UMAD1: variants seen among roughly 807,000 people sequenced by gnomAD.
UMAD1 encodes UBAP1-MVB12-associated (UMA) domain containing 1.
UMAD1 carries 8 observed loss-of-function variants against 6.1 expected under a neutral mutation model. That is an observed-to-expected ratio of 1.30 (90% confidence interval 0.76 to 2.35). UMAD1 has a LOEUF of 2.35. Among genes scored for constraint, UMAD1 ranks in the 30% most tolerant of loss-of-function variants. The probability of loss-of-function intolerance (pLI) is 0.00; values close to 1 mark genes in which losing one functional copy is unlikely to be tolerated. For synonymous variants in UMAD1, 56 were observed against 31.4 expected, an observed-to-expected ratio of 1.78 and a Z score of -2.61; for missense variants, 130 against 78.4, an observed-to-expected ratio of 1.66 and a Z score of -2.49.
chr7:7,835,053 C>G (rs2115308300), intron 3 of UMAD1, among the ~76,000 whole-genome samples: 1 of 152,308 alleles, frequency 6.6e-6, no homozygotes, highest in South Asian at 2.1e-4. Flanking sequence ...CTAATCACTT[C>G]TCTCAATAGA....
intron 3 of UMAD1, among the ~76,000 whole-genome samples, chr7:7,842,782 T>C (rs550120879): frequency 6.6e-6 from 1 of 152,264 alleles, no homozygotes; most frequent in East Asian, 1.9e-4. Flanking sequence ...AGAAAATTCT[T>C]TTTCACCCCA....
chr7:7,687,945 G>C (rs1486207114), intron 2 of UMAD1, among the ~76,000 whole-genome samples: 2 of 152,176 alleles, frequency 1.3e-5, no homozygotes, highest in African/African-American at 4.8e-5. Context: ...ATGCTTGGCA[G>C]CACCAAAGGA....
At chr7:7,776,409 T>C (rs1237335042) in intron 2 of UMAD1, among the ~76,000 whole-genome samples, 1 of 152,238 alleles carries the variant, frequency 6.6e-6, no homozygotes, top group Non-Finnish European at 1.5e-5. Flanking sequence ...ATTTATATAG[T>C]ATTCTCAAGT....
intron 3 of UMAD1, among the ~76,000 whole-genome samples, chr7:7,815,938 A>G (rs1312019776): frequency 6.6e-6 from 1 of 152,182 alleles, no homozygotes; most frequent in African/African-American, 2.4e-5. Flanking sequence ...GGGGAGGACA[A>G]ATAGAGAGAA....
chr7:7,797,950 G>T (rs1035733604), intron 2 of UMAD1, among the ~76,000 whole-genome samples: 1 of 152,188 alleles, frequency 6.6e-6, no homozygotes, highest in African/African-American at 2.4e-5. Flanking sequence ...GCCTCCCAAA[G>T]TGCTGGGATT....
intron 2 of UMAD1, among the ~76,000 whole-genome samples, chr7:7,739,818 G>T (rs971375424): frequency 1.3e-5 from 2 of 152,174 alleles, no homozygotes; most frequent in African/African-American, 4.8e-5. Flanking sequence ...AAATGGCTCA[G>T]CTGGCTATTT....
At chr7:7,797,690 C>CTTTTTTTTTTTTTTTTTTTT (rs1782715015) in intron 2 of UMAD1, among the ~76,000 whole-genome samples, 1 of 145,640 alleles carries the variant, frequency 6.9e-6, no homozygotes, top group Non-Finnish European at 1.5e-5. Flanking sequence ...CATCATCCAA[C>CTTTTTTTTTTTTTTTTTTTT]ATTTTTTTTT....
chr7:7,696,069 G>C (rs1780309743), intron 2 of UMAD1, among the ~76,000 whole-genome samples: 1 of 145,326 alleles, frequency 6.9e-6, no homozygotes, highest in Non-Finnish European at 1.5e-5. Flanking sequence ...ACAGTGGTGT[G>C]ATCACAGCTC....
chr7:7,721,494 G>A (rs892262927), intron 2 of UMAD1, among the ~76,000 whole-genome samples: 4 of 152,192 alleles, frequency 2.6e-5, no homozygotes, highest in Admixed American at 1.3e-4. Context: ...TTCCTTAAAA[G>A]GAAGCTCATG....
At chr7:7,652,173 C>T (rs1785236520) in intron 1 of UMAD1, among the ~76,000 whole-genome samples, 1 of 152,200 alleles carries the variant, frequency 6.6e-6, no homozygotes, top group African/African-American at 2.4e-5. Context: ...TTTTCCACAT[C>T]TTCTTTGTGG....
chr7:7,644,570 A>G (rs1785054173), intron 1 of UMAD1, among the ~76,000 whole-genome samples: 1 of 152,204 alleles, frequency 6.6e-6, no homozygotes, highest in Non-Finnish European at 1.5e-5. Flanking sequence ...ATGTTGTCAG[A>G]TAAGTCTCCA....
intron 2 of UMAD1, among the ~76,000 whole-genome samples, chr7:7,726,674 G>T (rs986766042): frequency 6.6e-6 from 1 of 152,176 alleles, no homozygotes; most frequent in African/African-American, 2.4e-5. Context: ...ATTACGTTCT[G>T]CTGGCCTAGA....
At chr7:7,714,152 T>C (rs1258684173) in intron 2 of UMAD1, among the ~76,000 whole-genome samples, 1 of 152,248 alleles carries the variant, frequency 6.6e-6, no homozygotes, top group African/African-American at 2.4e-5. Flanking sequence ...TGATAGAAAT[T>C]CCTGAAATGT....
At chr7:7,793,314 A>G (rs1389359155) in intron 2 of UMAD1, among the ~76,000 whole-genome samples, 1 of 152,200 alleles carries the variant, frequency 6.6e-6, no homozygotes, top group Non-Finnish European at 1.5e-5. Flanking sequence ...GTTCTGTCAG[A>G]TTTCAAATCC....
intron 2 of UMAD1, among the ~76,000 whole-genome samples, chr7:7,793,647 T>C (rs936985438): frequency 1.2e-4 from 18 of 152,216 alleles, no homozygotes; most frequent in African/African-American, 4.3e-4. Context: ...TGCAGTCACA[T>C]ACTGCTAGTC....
chr7:7,693,386 T>C (rs1283114147), intron 2 of UMAD1, among the ~76,000 whole-genome samples: 4 of 152,032 alleles, frequency 2.6e-5, no homozygotes, highest in Non-Finnish European at 5.9e-5. Context: ...GAAAATCTCA[T>C]CTGAAACTTT....
intron 2 of UMAD1, among the ~76,000 whole-genome samples, chr7:7,777,747 C>T (rs912908012): frequency 3.3e-5 from 5 of 151,940 alleles, no homozygotes; most frequent in East Asian, 3.9e-4. Context: ...TCCAGATACT[C>T]GTGATAGTCT....
intron 2 of UMAD1, among the ~76,000 whole-genome samples, chr7:7,752,059 G>C (rs1184071444): frequency 1.3e-5 from 2 of 151,968 alleles, no homozygotes; most frequent in Admixed American, 6.6e-5. Flanking sequence ...TCCTAATTTA[G>C]GTACATAGGG....
chr7:7,715,504 A>G (rs991491330), intron 2 of UMAD1, among the ~76,000 whole-genome samples: 3 of 152,218 alleles, frequency 2.0e-5, no homozygotes, highest in East Asian at 1.9e-4. Context: ...ACATTCATGC[A>G]TTCCGACAAT....
Sources: allele counts gnomAD v4.1 joint callset (sites outside exome capture counted in the v4.1 genomes callset), GRCh38; gene constraint gnomAD v4.1.1; transcripts MANE v1.5; gene names NCBI Gene and HGNC (gene_info 2026-07-23, HGNC 2026-07-21).